The following TPCN1 variants were observed in gnomAD, a reference collection of about 807,000 sequenced individuals.
The protein encoded by TPCN1 is two pore segment channel 1.
Under a neutral mutation model 108.8 loss-of-function variants are expected in TPCN1, and 52 were observed. The ratio of observed to expected loss-of-function variants is 0.48; its 90% CI spans 0.38 to 0.60. The LOEUF is 0.60. Among genes scored for constraint, TPCN1 ranks in the 20% least tolerant of loss-of-function variants. The pLI, the probability that TPCN1 is intolerant of heterozygous loss-of-function variation, is 0.00. For missense variants in TPCN1, 806 were observed against 1,072.8 expected (o/e 0.75, Z 3.47); for synonymous variants, 446 against 433.7 (o/e 1.03, Z -0.35).
intron 2 of TPCN1, among the ~76,000 whole-genome samples, chr12:113,237,963 G>A (rs947732045): frequency 2.6e-5 from 4 of 152,178 alleles, no homozygotes; most frequent in African/African-American, 9.7e-5. Context: ...TGAATAAAAA[G>A]TGTGGCTTCT....
intron 2 of TPCN1, among the ~76,000 whole-genome samples, chr12:113,237,555 C>T (rs1482389305): frequency 6.6e-6 from 1 of 152,106 alleles, no homozygotes; most frequent in African/African-American, 2.4e-5. Context: ...GACGGGGTTT[C>T]ACCACATTGG....
At chr12:113,280,680 A>C (rs1955856257) in intron 15 of TPCN1, among the ~76,000 whole-genome samples, 1 of 152,254 alleles carries the variant, frequency 6.6e-6, no homozygotes. Flanking sequence ...GTCACATTTC[A>C]AGTGATTAAT....
intron 27 of TPCN1, 91 bp downstream of exon 27, chr12:113,293,440 G>GCC: frequency 8.1e-7 from 1 of 1,228,092 alleles, no homozygotes; most frequent in Non-Finnish European, 1.2e-6. Context: ...TGAGTAGAGG[G>GCC]AGAAGGCTGG....
intron 2 of TPCN1, among the ~76,000 whole-genome samples, chr12:113,247,088 G>A (rs985712805): frequency 6.6e-6 from 1 of 152,210 alleles, no homozygotes; most frequent in Non-Finnish European, 1.5e-5. Flanking sequence ...GGCTGCCCAG[G>A]TAGAGGTCCT....
chr12:113,282,108 T>TTTTG (rs1955907374), intron 15 of TPCN1, among the ~76,000 whole-genome samples: 1 of 141,458 alleles, frequency 7.1e-6, no homozygotes, highest in Non-Finnish European at 1.5e-5. Flanking sequence ...TTTTTTTTTT[T>TTTTG]GAGACAGAAT....
rs57850284 is a variant in TPCN1 at position 113,226,712 on chromosome 12, A to T, written c.-125-16A>T. 1 of 1,504,086 alleles carries T rather than the reference A, an allele frequency of 6.6e-7. No individual in the cohort carries two copies. The highest frequency in any genetic ancestry group is 2.3e-5 in the Admixed American group (1 of 42,692). 93.2% of individuals were successfully genotyped at this position (1,504,086 alleles called of 1,614,324 possible). A position where few individuals can be genotyped will look rare whatever the true frequency, so the allele number is the denominator to read the frequency against. ...TTTAATAATTATCTTTTATTTTTTTAATTCCCAAACCCTAGAAGATGCCTC... is the reference window on the plus strand; with the variant it reads ...TTTAATAATTATCTTTTATTTTTTTTATTCCCAAACCCTAGAAGATGCCTC... On this transcript the variant is annotated splice_polypyrimidine_tract_variant and intron_variant, in intron 1 of 27. Coordinates refer to ENST00000335509, the MANE Select transcript of TPCN1 (RefSeq NM_017901.6).
In TPCN1 at chr12:113,226,945, A is replaced by G. The variant is rs766340594; in HGVS notation, c.93A>G (p.Gln31=). ...TGGCTCCCTCCAACGGCCTGGGCCAAGAAGAGCTACCTAGCAAAAGTAAGA... is the reference window on the plus strand; with the variant it reads ...TGGCTCCCTCCAACGGCCTGGGCCAGGAAGAGCTACCTAGCAAAAGTAAGA... ...APLAPSNGLG[Q]EELPSKNGGS... is the part of the protein sequence containing the mutation. Residue 31 remains glutamine, a synonymous_variant, in exon 2 of 28, where the codon CAA becomes CAG. Transcript: ENST00000335509. 10 of 1,613,712 alleles carry G rather than the reference A, an allele frequency of 6.2e-6. No individual in the cohort carries two copies. The South Asian group carries it at 1.1e-4, about 18-fold the overall frequency.
At chr12:113,224,338 A>G (rs184890322) in intron 1 of TPCN1, among the ~76,000 whole-genome samples, 2 of 152,280 alleles carry the variant, frequency 1.3e-5, no homozygotes, top group Admixed American at 6.5e-5. Context: ...GTTAACTTTT[A>G]CTTATGAAGT....
At position 113,226,856 on chromosome 12, in the gene TPCN1, G is replaced by A; in HGVS notation, c.4G>A (p.Ala2Thr). ...GAGGGCCACAGGAGAAGAGAACATG[G>A]CTGTGAGTTTGGATGACGACGTGCC... M[A>T]VSLDDDVPLI... The change falls in exon 2 of 28, where the codon GCT becomes ACT. Residue 2 changes from alanine (A) to threonine (T), a missense_variant. By Grantham distance (58) the Ala-to-Thr change is moderately conservative. Coordinates refer to ENST00000335509, the MANE Select transcript of TPCN1 (RefSeq NM_017901.6). 1 of 1,614,182 alleles carries A rather than the reference G, an allele frequency of 6.2e-7. No individual in the cohort carries two copies. The highest frequency in any genetic ancestry group is 1.1e-5 in the South Asian group (1 of 91,082).
Position 113,284,666 on chromosome 12 carries a change from C to CAGGGA in TPCN1, c.1399+29_1399+30insAGGGA. The CAGGGA allele has an allele frequency of 6.2e-7, 1 of 1,614,224 alleles. No individual in the cohort carries two copies. Among genetic ancestry groups the CAGGGA allele is most frequent in the Admixed American group, 1.7e-5 (1 of 60,028 alleles). On this transcript the variant is annotated intron_variant, in intron 16 of 27. Transcript: ENST00000335509. This position sits in a 1 kb window ranked among gnomAD's most constrained non-coding sequence, Gnocchi z 4.1. ...AGCCCCGCTCAGGGACTGGCCGTGT[C>CAGGGA]CTGGCCGGCACACCTGGCTTACCTG...
intron 14 of TPCN1, among the ~76,000 whole-genome samples, chr12:113,279,385 ATATATATTTTTTTTTTT>A (rs1384153627): frequency 1.3e-3 from 29 of 21,738 alleles, no homozygotes; most frequent in African/African-American, 7.3e-3. Flanking sequence ...ATATATATAT[ATATATATTTTTTTTTTT>A]TTTTTTTTTT....
intron 2 of TPCN1, among the ~76,000 whole-genome samples, chr12:113,256,189 G>T (rs1954824834): frequency 1.3e-5 from 2 of 152,114 alleles, no homozygotes; most frequent in Middle Eastern, 6.8e-3. Flanking sequence ...CCCAGGCTAG[G>T]TTTCTATTGA....
rs759552692 is a variant in TPCN1 at position 113,284,553 on chromosome 12, C to T, written c.1343-28C>T. Reference sequence around the variant, plus strand: ...ATTTCTAAGCCCCCCTGTTATTTCTCTGTCTTTTACGGGCCTGTGTATTTC... The same window carrying T: ...ATTTCTAAGCCCCCCTGTTATTTCTTTGTCTTTTACGGGCCTGTGTATTTC... On this transcript the variant is annotated intron_variant, in intron 15 of 27. Coordinates refer to ENST00000335509, the MANE Select transcript of TPCN1 (RefSeq NM_017901.6). The surrounding 1 kb of genome is among the most constrained non-coding windows in gnomAD (Gnocchi z 4.1). 7 of 1,613,490 alleles carry T rather than the reference C, an allele frequency of 4.3e-6. No homozygotes were observed. The East Asian group carries it at 1.3e-4, about 31-fold the overall frequency.
chr12:113,291,699 G>A (rs369185842), intron 24 of TPCN1, 22 bp downstream of exon 24: 58 of 1,611,116 alleles, frequency 3.6e-5, no homozygotes, highest in Non-Finnish European at 4.8e-5. Flanking sequence ...ACCACAGAAC[G>A]CTCTTTGTCC....
rs1191277736 is a variant in TPCN1, at chr12:113,232,357, C to T, written c.112+5393C>T. On this transcript the variant is annotated intron_variant, in intron 2 of 27. Transcript: ENST00000335509. The surrounding 1 kb of genome is among the most constrained non-coding windows in gnomAD (Gnocchi z 5.6). ...TGGTCCCCTTTTCAGGGTCTTCATG[C>T]AGCCAGGGCGAGTTGGCACCAGGCT... Among the ~76,000 whole-genome samples, 1 of 152,238 alleles carries T rather than the reference C, an allele frequency of 6.6e-6. No homozygotes were observed. The highest frequency in any genetic ancestry group is 2.4e-5 in the African/African-American group (1 of 41,470).
At chr12:113,238,415 C>T (rs762565033) in intron 2 of TPCN1, among the ~76,000 whole-genome samples, 2 of 152,190 alleles carry the variant, frequency 1.3e-5, no homozygotes, top group Non-Finnish European at 2.9e-5. Flanking sequence ...GTGAGTGCCA[C>T]GTGGGTGTGA....
At chr12:113,290,050 G>C in intron 21 of TPCN1, 78 bp from the exon 22 acceptor site, 2 of 947,296 alleles carry the variant, frequency 2.1e-6, no homozygotes, top group South Asian at 3.0e-5. Context: ...AACTCGGTTT[G>C]TTTCAGACTT....
intron 21 of TPCN1, 83 bp from the exon 22 acceptor site, chr12:113,290,045 G>A (rs752261576): frequency 2.5e-5 from 22 of 872,466 alleles, no homozygotes; most frequent in Middle Eastern, 3.4e-4. Context: ...GCCAGAACTC[G>A]GTTTGTTTCA....
chr12:113,241,220 G>A (rs1175702900), intron 2 of TPCN1, among the ~76,000 whole-genome samples: 1 of 152,262 alleles, frequency 6.6e-6, no homozygotes, highest in Non-Finnish European at 1.5e-5. Context: ...CAGGGCCCTG[G>A]AGAAGTGGCA....
Sources: allele counts gnomAD v4.1 joint callset (sites outside exome capture counted in the v4.1 genomes callset), GRCh38; gene constraint gnomAD v4.1.1; non-coding constraint Gnocchi (gnomAD v3.1); transcripts MANE v1.5; gene names NCBI Gene and HGNC (gene_info 2026-07-23, HGNC 2026-07-21).